Variants in CDH18 observed in about 807,000 individuals in gnomAD.
CDH18 encodes cadherin-18.
CDH18 carries 31 observed loss-of-function variants against 67.9 expected under a neutral mutation model. The observed-to-expected ratio is 0.46, with a 90% CI of 0.34 to 0.62. The LOEUF is 0.62. Ranked by LOEUF, CDH18 falls within the 20% of genes least tolerant of loss-of-function variation. CDH18 has a pLI of 0.01. For missense variants in CDH18, 890 were observed against 975.5 expected (o/e 0.91, Z 1.17); for synonymous variants, 362 against 347.2 (o/e 1.04, Z -0.48).
intron 1 of CDH18, among the ~76,000 whole-genome samples, chr5:20,510,801 G>A (rs1440169349): frequency 2.0e-5 from 3 of 152,138 alleles, no homozygotes; most frequent in Non-Finnish European, 4.4e-5. Flanking sequence ...ATGTTGGATG[G>A]TGTCTAGCAA....
rs147969057 is a variant in CDH18 at position 19,961,044 on chromosome 5, G to T, written c.-257+20016C>A. ...AAACGTGAGTAATTCATTGTGCTAC[G>T]ATGTTACAATGGCTATGATGTTACT... is the stretch of plus-strand genomic sequence containing the variant. On this transcript the variant is annotated intron_variant, in intron 2 of 12. Transcript: ENST00000382275. Among the ~76,000 whole-genome samples, 363 of 150,976 alleles carry T rather than the reference G, an allele frequency of 2.4e-3. 5 individuals are homozygous for T. The highest frequency in any genetic ancestry group is 5.3e-4 in the Non-Finnish European group (36 of 67,848).
intron 1 of CDH18, among the ~76,000 whole-genome samples, chr5:20,364,696 C>T (rs1742372095): frequency 1.3e-5 from 2 of 152,074 alleles, no homozygotes; most frequent in Non-Finnish European, 2.9e-5. Context: ...GATTAGTGCT[C>T]CCCATAATGT....
At chr5:20,256,011 G>C (rs1433985162) in intron 1 of CDH18, among the ~76,000 whole-genome samples, 1 of 151,746 alleles carries the variant, frequency 6.6e-6, no homozygotes, top group Non-Finnish European at 1.5e-5. Context: ...ACAAGGTTCA[G>C]TATAACCTAA....
chr5:19,753,248 A>G (rs974864410), intron 3 of CDH18, among the ~76,000 whole-genome samples: 1 of 152,178 alleles, frequency 6.6e-6, no homozygotes, highest in Admixed American at 6.5e-5. Context: ...CCCCAAATAA[A>G]GGTAAGCCCA....
intron 1 of CDH18, among the ~76,000 whole-genome samples, chr5:20,396,822 AAT>A (rs1184561584): frequency 9.2e-5 from 14 of 152,196 alleles, no homozygotes; most frequent in Admixed American, 2.0e-4. Context: ...TTTGAATTAA[AAT>A]ATGTTTTGAA....
chr5:19,906,933 C>T (rs576160102), intron 2 of CDH18, among the ~76,000 whole-genome samples: 4 of 151,774 alleles, frequency 2.6e-5, no homozygotes, highest in African/African-American at 7.2e-5. Context: ...CAAAATGAAG[C>T]GATGTATCAT....
At chr5:20,414,691 A>G (rs1357293409) in intron 1 of CDH18, among the ~76,000 whole-genome samples, 1 of 152,248 alleles carries the variant, frequency 6.6e-6, no homozygotes, top group African/African-American at 2.4e-5. Context: ...TTTAAGACAT[A>G]GAAATGGCCA....
chr5:20,456,731 TA>T (rs1561021184), intron 1 of CDH18, among the ~76,000 whole-genome samples: 8 of 152,138 alleles, frequency 5.3e-5, no homozygotes, highest in Non-Finnish European at 1.2e-4. Flanking sequence ...ATAAATGCCA[TA>T]TTTTTTTTAA....
intron 3 of CDH18, among the ~76,000 whole-genome samples, chr5:19,779,206 T>C (rs1774794887): frequency 6.6e-6 from 1 of 152,150 alleles, no homozygotes; most frequent in Non-Finnish European, 1.5e-5. Flanking sequence ...AGACAGAGAC[T>C]CACATTAAGG....
At chr5:19,597,532 A>ACAAT (rs1746367588) in intron 6 of CDH18, among the ~76,000 whole-genome samples, 1 of 152,154 alleles carries the variant, frequency 6.6e-6, no homozygotes, top group Admixed American at 6.5e-5. Context: ...AAACAAACAA[A>ACAAT]ACATGATTCT....
At chr5:20,114,897 A>C (rs1388536496) in intron 2 of CDH18, among the ~76,000 whole-genome samples, 11 of 152,158 alleles carry the variant, frequency 7.2e-5, no homozygotes, top group Non-Finnish European at 1.0e-4. Flanking sequence ...TGAGAGTCAC[A>C]TCTGTAGTAG....
At chr5:19,855,969 A>G (rs1784237621) in intron 2 of CDH18, among the ~76,000 whole-genome samples, 1 of 152,328 alleles carries the variant, frequency 6.6e-6, no homozygotes, top group Non-Finnish European at 1.5e-5. Flanking sequence ...TTCTCTATTG[A>G]GAGAAATTCC....
rs75355213 is a variant in CDH18 at position 20,396,603 on chromosome 5, C to T, written c.-579-141098G>A. On this transcript the variant is annotated intron_variant, in intron 1 of 14. Coordinates refer to the CDH18 transcript ENST00000507958. ...TAAATTTGCAGCAAAATCAATGAAT[C>T]GGGCAAATAATTTTATTCACAAACA... Among the ~76,000 whole-genome samples the T allele has an allele frequency of 7.7e-3, 1,174 of 151,714 alleles. 20 individuals are homozygous for T. The highest frequency in any genetic ancestry group is 0.027 in the African/African-American group (1,115 of 41,434).
intron 2 of CDH18, among the ~76,000 whole-genome samples, chr5:19,855,854 A>G (rs1435548081): frequency 4.0e-5 from 6 of 150,444 alleles, no homozygotes; most frequent in Non-Finnish European, 8.8e-5. Context: ...AAACAAAGGG[A>G]AAAAGACTAT....
intron 5 of CDH18, among the ~76,000 whole-genome samples, chr5:19,619,318 A>C (rs565634538): frequency 8.5e-5 from 13 of 152,344 alleles, no homozygotes; most frequent in African/African-American, 3.1e-4. Context: ...ATGATATGGA[A>C]ACAGATATGC....
intron 1 of CDH18, among the ~76,000 whole-genome samples, chr5:20,532,324 T>A (rs2126558112): frequency 6.6e-6 from 1 of 152,242 alleles, no homozygotes; most frequent in African/African-American, 2.4e-5. Flanking sequence ...TTTCTTATAC[T>A]TTCTAAAGCA....
At chr5:20,442,981 G>A (rs919782326) in intron 1 of CDH18, among the ~76,000 whole-genome samples, 7 of 151,270 alleles carry the variant, frequency 4.6e-5, no homozygotes, top group East Asian at 3.9e-4. Flanking sequence ...AGGCCGAGGC[G>A]GGCGGATCAC....
At chr5:19,766,794 G>GT (rs1386351668) in intron 3 of CDH18, among the ~76,000 whole-genome samples, 3 of 152,028 alleles carry the variant, frequency 2.0e-5, no homozygotes, top group Non-Finnish European at 4.4e-5. Context: ...GATTTTAGTG[G>GT]TTTTCCATCC....
chr5:20,091,042 C>A (rs1403744738), intron 2 of CDH18, among the ~76,000 whole-genome samples: 1 of 149,630 alleles, frequency 6.7e-6, no homozygotes, highest in Non-Finnish European at 1.5e-5. Context: ...AGAATGAGAA[C>A]CTGTCTCCAA....
Sources: gnomAD v4.1 joint callset for allele counts (sites outside exome capture counted in the v4.1 genomes callset) on GRCh38, gnomAD v4.1.1 for gene constraint, MANE v1.5 for transcripts, NCBI Gene and HGNC (gene_info 2026-07-23, HGNC 2026-07-21) for gene names.